Variants in DCK observed in about 807,000 individuals in gnomAD.
DCK encodes deoxycytidine kinase.
In DCK, 23 loss-of-function variants were observed where a neutral mutation model predicts 38.3. The observed-to-expected ratio is 0.60, with a 90% CI of 0.43 to 0.85. The LOEUF (loss-of-function observed/expected upper bound fraction) is 0.85. DCK is among the 40% of genes least tolerant of loss of function. DCK has a pLI of 0.00. For synonymous variants in DCK, 108 were observed against 100.6 expected (o/e 1.07, Z -0.44); for missense variants, 259 against 304.4 (o/e 0.85, Z 1.11).
intron 1 of DCK, among the ~76,000 whole-genome samples, chr4:70,997,487 C>T (rs112048204): frequency 4.6e-5 from 7 of 152,180 alleles, no homozygotes; most frequent in African/African-American, 1.7e-4. Flanking sequence ...TTTACTGCCT[C>T]GCTCCTGTTT....
At position 71,006,153 on chromosome 4, in the gene DCK, C is replaced by T. The variant is rs1262075934; in HGVS notation, c.207+7971C>T. ...AACACCAAAAAAAAAAAAAAAAAAG[C>T]AAATAAGAAAAAGAAAAACTACTAT... On this transcript the variant is annotated intron_variant, in intron 2 of 6. Transcript: ENST00000286648. Among the ~76,000 whole-genome samples, 65 of 73,846 alleles carry T rather than the reference C, an allele frequency of 8.8e-4. No homozygotes were observed. In the South Asian group the frequency reaches 0.016, roughly 18 times the overall value. 48.4% of individuals were successfully genotyped at this position (73,846 alleles called of 152,430 possible).
At chr4:70,994,638 G>A (rs1415311298) in intron 1 of DCK, among the ~76,000 whole-genome samples, 1 of 152,084 alleles carries the variant, frequency 6.6e-6, no homozygotes, top group African/African-American at 2.4e-5. Context: ...TGGACCTCAG[G>A]GTTGTTTACA....
intron 2 of DCK, among the ~76,000 whole-genome samples, chr4:71,010,648 G>A (rs1385987): frequency 0.99 from 145,639 of 147,344 alleles, 72,011 homozygotes; most frequent in East Asian, 1. Flanking sequence ...CATATGTAAT[G>A]TAAATTATAT....
At chr4:71,028,120 A>G (rs1264196028) in intron 6 of DCK, among the ~76,000 whole-genome samples, 1 of 152,210 alleles carries the variant, frequency 6.6e-6, no homozygotes, top group Non-Finnish European at 1.5e-5. Flanking sequence ...ATTGCAAAGT[A>G]TGTGATTCAC....
intron 2 of DCK, among the ~76,000 whole-genome samples, chr4:71,021,011 A>G (rs1740398851): frequency 6.6e-6 from 1 of 151,938 alleles, no homozygotes; most frequent in African/African-American, 2.4e-5. Context: ...GATGGACAGA[A>G]CTAGGAAAAC....
At chr4:71,007,067 C>A (rs1442042298) in intron 2 of DCK, among the ~76,000 whole-genome samples, 1 of 152,102 alleles carries the variant, frequency 6.6e-6, no homozygotes, top group Non-Finnish European at 1.5e-5. Context: ...TTTTCATACA[C>A]CTTCTATTTG....
At chr4:71,029,216 T>C (rs1740620999) in intron 6 of DCK, 136 bp from the exon 7 acceptor site, 1 of 527,902 alleles carries the variant, frequency 1.9e-6, no homozygotes, top group African/African-American at 2.0e-5. Context: ...CTTTGGAAAG[T>C]AAATGCAATG....
rs933452225 is a variant in DCK, at chr4:71,005,609, C to T, written c.207+7427C>T. Reference sequence around the variant, plus strand: ...ACAACCTCCGCCTCCCGGGTTCAAGCGATTCTCCTGCCTCAGCCTCCCAAG... The same window carrying T: ...ACAACCTCCGCCTCCCGGGTTCAAGTGATTCTCCTGCCTCAGCCTCCCAAG... On this transcript the variant is annotated intron_variant, in intron 2 of 6. Transcript: ENST00000286648. Among the ~76,000 whole-genome samples, 7 of 150,896 alleles carry T rather than the reference C, an allele frequency of 4.6e-5. No individual in the cohort carries two copies. In the East Asian group the frequency reaches 6.1e-4, roughly 13 times the overall value.
intron 4 of DCK, among the ~76,000 whole-genome samples, chr4:71,025,030 C>CA: frequency 6.6e-6 from 1 of 152,006 alleles, no homozygotes; most frequent in East Asian, 1.9e-4. Context: ...GAGTTTGAAA[C>CA]ACAGTTTGTA....
chr4:71,005,246 G>A (rs2148913729), intron 2 of DCK, among the ~76,000 whole-genome samples: 1 of 151,874 alleles, frequency 6.6e-6, no homozygotes, highest in Non-Finnish European at 1.5e-5. Flanking sequence ...TCACCTTCCA[G>A]GTGAGGCGAT....
intron 2 of DCK, among the ~76,000 whole-genome samples, chr4:71,003,690 T>C (rs1409232112): frequency 6.6e-6 from 1 of 152,230 alleles, no homozygotes; most frequent in African/African-American, 2.4e-5. Context: ...CTTCACGCTT[T>C]ATTTTTATTA....
chr4:71,013,174 A>G (rs2148916012), intron 2 of DCK, among the ~76,000 whole-genome samples: 2 of 151,236 alleles, frequency 1.3e-5, no homozygotes, highest in Middle Eastern at 6.8e-3. Flanking sequence ...TGAAGATCAA[A>G]TGAATGAAAT....
At chr4:71,024,666 A>G (rs1740506121) in intron 4 of DCK, among the ~76,000 whole-genome samples, 1 of 152,010 alleles carries the variant, frequency 6.6e-6, no homozygotes, top group African/African-American at 2.4e-5. Context: ...GGATTTAGCA[A>G]TTTTTTAGCA....
At chr4:71,014,044 A>G (rs897980726) in intron 2 of DCK, among the ~76,000 whole-genome samples, 3 of 152,212 alleles carry the variant, frequency 2.0e-5, no homozygotes, top group Admixed American at 6.5e-5. Flanking sequence ...AGAGACATAC[A>G]TAGGCTCAAA....
At chr4:71,001,856 C>T (rs1739808517) in intron 2 of DCK, among the ~76,000 whole-genome samples, 2 of 152,002 alleles carry the variant, frequency 1.3e-5, no homozygotes, top group Admixed American at 1.3e-4. Context: ...TTGATTCTTC[C>T]CGCTTTTCTT....
intron 2 of DCK, among the ~76,000 whole-genome samples, chr4:71,006,977 A>G (rs1329983442): frequency 6.6e-6 from 1 of 152,222 alleles, no homozygotes; most frequent in Non-Finnish European, 1.5e-5. Context: ...TAAAATGTAA[A>G]TCACATATGC....
At chr4:71,005,138 G>A (rs974050317) in intron 2 of DCK, among the ~76,000 whole-genome samples, 3 of 152,174 alleles carry the variant, frequency 2.0e-5, no homozygotes, top group African/African-American at 2.4e-5. Context: ...CCTGGTCTGC[G>A]GGTTGTGAAG....
intron 2 of DCK, among the ~76,000 whole-genome samples, chr4:71,018,285 C>T (rs1740324391): frequency 6.6e-6 from 1 of 151,940 alleles, no homozygotes; most frequent in South Asian, 2.1e-4. Flanking sequence ...TGCCACCATG[C>T]CCCGCTATTT....
Position 71,022,777 on chromosome 4 carries a change from GA to G in DCK, c.401+219del, listed in dbSNP as rs368250406. 2.3e-4 allele frequency among the ~76,000 whole-genome samples: 35 copies of G among 152,232 alleles called. No homozygotes were observed. In the South Asian group the frequency reaches 7.3e-3, roughly 32 times the overall value. Reference sequence around the variant, plus strand: ...CCTCAGCTTCCATAGAAACTGTTGGGAATATGGTGGTGCCCATTTCATTTAA... The same window carrying G: ...CCTCAGCTTCCATAGAAACTGTTGGGATATGGTGGTGCCCATTTCATTTAA... On this transcript the variant is annotated intron_variant, in intron 3 of 6. Transcript: ENST00000286648.
Sources: allele counts gnomAD v4.1 joint callset (sites outside exome capture counted in the v4.1 genomes callset), GRCh38; gene constraint gnomAD v4.1.1; transcripts MANE v1.5; gene names NCBI Gene and HGNC (gene_info 2026-07-23, HGNC 2026-07-21).